Variants in TGM3 observed in about 807,000 individuals in gnomAD.
TGM3 encodes the protein protein-glutamine gamma-glutamyltransferase E.
In TGM3, 52 loss-of-function variants were observed where a neutral mutation model predicts 73.8. That is an observed-to-expected ratio of 0.70 (90% CI 0.56 to 0.89). The LOEUF is 0.89. TGM3 is among the 40% of genes least tolerant of loss of function. The pLI, the probability that TGM3 is intolerant of heterozygous loss-of-function variation, is 0.00. For missense variants in TGM3, 928 were observed against 909.9 expected (o/e 1.02, Z -0.26); for synonymous variants, 372 against 354.9 (o/e 1.05, Z -0.54).
chr20:2,320,341 T>C (rs1390627184), intron 7 of TGM3, among the ~76,000 whole-genome samples: 1 of 152,242 alleles, frequency 6.6e-6, no homozygotes. Context: ...TTATAAGTGC[T>C]TAGATTTCAT....
Position 2,340,585 on chromosome 20 carries a change from G to A in TGM3, c.*4G>A. 1 of 1,614,158 alleles carries A rather than the reference G, an allele frequency of 6.2e-7. No homozygotes were observed. The highest frequency in any genetic ancestry group is 1.1e-5 in the South Asian group (1 of 91,088). ...GTCCATCGATGTAGCCGAATGAAGG[G>A]CGCTGGTGGCCTCCCGTACAAACTT... On this transcript the variant is annotated 3_prime_UTR_variant, in exon 13 of 13. Coordinates refer to ENST00000381458, the MANE Select transcript of TGM3 (RefSeq NM_003245.4).
intron 1 of TGM3, among the ~76,000 whole-genome samples, chr20:2,305,366 A>G (rs753364015): frequency 3.3e-5 from 5 of 152,204 alleles, no homozygotes; most frequent in Non-Finnish European, 5.9e-5. Context: ...GGAGGTTCCA[A>G]GGCTTTCAGG....
intron 1 of TGM3, among the ~76,000 whole-genome samples, chr20:2,305,398 A>G (rs1037368692): frequency 2.0e-5 from 3 of 152,244 alleles, no homozygotes; most frequent in African/African-American, 4.8e-5. Context: ...AAGAAAAAGC[A>G]GAGATCAAAT....
chr20:2,321,464 T>C (rs1485715887), intron 7 of TGM3, among the ~76,000 whole-genome samples: 3 of 152,162 alleles, frequency 2.0e-5, no homozygotes, highest in Non-Finnish European at 4.4e-5. Flanking sequence ...AATGGGAGTT[T>C]ACCTACAGAA....
chr20:2,317,507 T>A, intron 7 of TGM3, 22 bp downstream of exon 7: 1 of 1,613,196 alleles, frequency 6.2e-7, no homozygotes, highest in South Asian at 1.1e-5. Flanking sequence ...ACCTTTTCCC[T>A]GAACTTCGAG....
intron 7 of TGM3, among the ~76,000 whole-genome samples, chr20:2,317,943 C>CTATATATATATATATATATATATAT (rs2084244146): frequency 2.8e-5 from 1 of 36,192 alleles, no homozygotes; most frequent in African/African-American, 4.7e-5. Flanking sequence ...ATATATATAT[C>CTATATATATATATATATATATATAT]ATATATATAT....
intron 7 of TGM3, among the ~76,000 whole-genome samples, chr20:2,319,718 T>G (rs45579744): frequency 1.2e-4 from 18 of 152,282 alleles, no homozygotes; most frequent in Non-Finnish European, 1.3e-4. Context: ...TCCCCTTTTC[T>G]GAACCTTCTC....
intron 10 of TGM3, 23 bp from the exon 11 acceptor site, chr20:2,335,093 G>T (rs777899105): frequency 6.2e-7 from 1 of 1,613,752 alleles, no homozygotes; most frequent in Non-Finnish European, 8.5e-7. Flanking sequence ...CCCTCACTCG[G>T]ATCCCCTGGC....
rs2084337879 is a variant in TGM3, at chr20:2,334,560, G to A, written c.1643-556G>A. Among the ~76,000 whole-genome samples the A allele has an allele frequency of 6.6e-6, 1 of 152,098 alleles. No individual in the cohort carries two copies. Among genetic ancestry groups the A allele is most frequent in the South Asian group, 2.1e-4 (1 of 4,832 alleles). The stretch of plus-strand genomic sequence containing the variant: ...AAGCGTTTGTTTAGCCAATACCCTG[G>A]CTTCCCTTCCTACCTATTATTGTGT... On this transcript the variant is annotated intron_variant, in intron 10 of 12. Transcript: ENST00000381458. This position sits in a 1 kb window ranked among gnomAD's most constrained non-coding sequence, Gnocchi z 4.0.
intron 7 of TGM3, among the ~76,000 whole-genome samples, chr20:2,324,054 TTCAA>T (rs1451660446): frequency 1.3e-5 from 2 of 152,266 alleles, no homozygotes; most frequent in Non-Finnish European, 2.9e-5. Flanking sequence ...ATTGATTTTT[TTCAA>T]TCATTTGTCT....
rs547768730 is a variant in TGM3 at position 2,330,316 on chromosome 20, G to C, written c.1334-1686G>C. 2.6e-5 allele frequency among the ~76,000 whole-genome samples: 4 copies of C among 152,344 alleles called. No individual in the cohort carries two copies. The South Asian group carries it at 8.3e-4, about 32-fold the overall frequency. ...AGGCATCAAGGCTCCAAGCCTCATT[G>C]TGCAAACACACCTGCTTCAAGGTCC... On this transcript the variant is annotated intron_variant, in intron 9 of 12. Coordinates refer to ENST00000381458, the MANE Select transcript of TGM3 (RefSeq NM_003245.4).
At chr20:2,331,915 C>T in intron 9 of TGM3, 87 bp from the exon 10 acceptor site, 4 of 1,479,184 alleles carry the variant, frequency 2.7e-6, no homozygotes, top group South Asian at 2.7e-5. Context: ...AGCACCAGTC[C>T]TAGGCCGCCT....
rs986434016 is a variant in TGM3, at chr20:2,325,918, G to A, written c.1053G>A (p.Gln351=). The A allele has an allele frequency of 1.3e-6, 2 of 1,595,506 alleles. No individual in the cohort carries two copies. Among genetic ancestry groups the A allele is most frequent in the Admixed American group, 1.7e-5 (1 of 57,766 alleles). Residue 351 remains glutamine, a synonymous_variant, in exon 8 of 13, where the codon CAG becomes CAA. Coordinates refer to ENST00000381458, the MANE Select transcript of TGM3 (RefSeq NM_003245.4). ...SDLGPSYGGW[Q]VLDATPQERS... ...TGGGCCCCTCGTACGGTGGATGGCA[G>A]GTGTTGGATGCTACCCCGCAGGAAA...
At chr20:2,338,111 A>T (rs2084361394) in intron 11 of TGM3, among the ~76,000 whole-genome samples, 1 of 152,230 alleles carries the variant, frequency 6.6e-6, no homozygotes. Flanking sequence ...TCTGTATGAA[A>T]AGATAATAAT....
chr20:2,311,857 C>T (rs2084205196), intron 4 of TGM3, among the ~76,000 whole-genome samples: 1 of 151,798 alleles, frequency 6.6e-6, no homozygotes, highest in African/African-American at 2.4e-5. Flanking sequence ...GAGGGCCTCA[C>T]TTAGAAAGGA....
chr20:2,315,192 C>T (rs780030682), intron 5 of TGM3, among the ~76,000 whole-genome samples: 7 of 152,182 alleles, frequency 4.6e-5, no homozygotes, highest in Non-Finnish European at 7.3e-5. Context: ...CTCACTCGCA[C>T]CCCAGGGCCA....
rs2084240941 is a variant in TGM3 at position 2,317,471 on chromosome 20, T to C, written c.969T>C (p.Gly323=). The part of the protein sequence containing the change: ...YDPMGNPLDK[G]SDSVWNFHVW... The stretch of plus-strand genomic sequence containing the variant: ...CCATGGGAAACCCCCTGGACAAGGG[T>C]AGTGATAGCGTATGGTAAGTATCTC... The change falls in exon 7 of 13, where the codon GGT becomes GGC. Residue 323 remains glycine (G), a synonymous_variant. Transcript: ENST00000381458. 2 of 1,614,038 alleles carry C rather than the reference T, an allele frequency of 1.2e-6. No individual in the cohort carries two copies. The highest frequency in any genetic ancestry group is 1.3e-5 in the African/African-American group (1 of 74,916).
In TGM3 at chr20:2,309,555, G is replaced by A. The variant is rs563353092; in HGVS notation, c.8-102G>A. On this transcript the variant is annotated intron_variant, in intron 1 of 12. Coordinates refer to ENST00000381458, the MANE Select transcript of TGM3 (RefSeq NM_003245.4). ...TTTCTAGGAATTTGGCTCTGCCCTTGACAAGCCTCACCCCAAAGCTGCTCT... is the reference window on the plus strand; with the variant it reads ...TTTCTAGGAATTTGGCTCTGCCCTTAACAAGCCTCACCCCAAAGCTGCTCT... The A allele has an allele frequency of 1.0e-5, 13 of 1,255,230 alleles. 1 individual carries two copies. The Admixed American group carries it at 1.1e-4, about 10-fold the overall frequency. The allele number at this position is 1,255,230 out of a possible 1,614,324, so 77.8% of individuals were successfully genotyped here.
At chr20:2,317,939 A>C (rs373132198) in intron 7 of TGM3, among the ~76,000 whole-genome samples, 4 of 129,410 alleles carry the variant, frequency 3.1e-5, no homozygotes, top group Admixed American at 1.5e-4. Context: ...ATATATATAT[A>C]TATCATATAT....
Sources: allele counts gnomAD v4.1 joint callset (sites outside exome capture counted in the v4.1 genomes callset), GRCh38; gene constraint gnomAD v4.1.1; non-coding constraint Gnocchi (gnomAD v3.1); transcripts MANE v1.5; gene names NCBI Gene and HGNC (gene_info 2026-07-23, HGNC 2026-07-21).